Variants in HPSE2 observed in about 807,000 individuals in gnomAD.
HPSE2 encodes heparanase 2 (inactive).
Under a neutral mutation model 60.5 loss-of-function variants are expected in HPSE2, and 38 were observed. That is an observed-to-expected ratio of 0.63 (90% CI 0.48 to 0.82). The LOEUF is 0.82. Among genes scored for constraint, HPSE2 ranks in the 40% least tolerant of loss-of-function variants. The pLI, the probability that HPSE2 is intolerant of heterozygous loss-of-function variation, is 0.00. For missense variants in HPSE2, 713 were observed against 740.4 expected (o/e 0.96, Z 0.43); for synonymous variants, 295 against 293.2 (o/e 1.01, Z -0.06).
chr10:98,972,937 A>C (rs1347047788), intron 3 of HPSE2, among the ~76,000 whole-genome samples: 2 of 152,144 alleles, frequency 1.3e-5, no homozygotes, highest in Non-Finnish European at 2.9e-5. Flanking sequence ...TAGAAGCCAA[A>C]AACACTTTGG....
chr10:98,489,517 G>A (rs1941563268), intron 10 of HPSE2, among the ~76,000 whole-genome samples: 1 of 152,158 alleles, frequency 6.6e-6, no homozygotes, highest in South Asian at 2.1e-4. Context: ...CAAAACACTG[G>A]AAATGGCTCT....
Position 98,656,855 on chromosome 10 carries a change from G to A in HPSE2, c.1005-14915C>T, listed in dbSNP as rs558864335. Among the ~76,000 whole-genome samples the A allele has an allele frequency of 1.8e-4, 27 of 149,922 alleles. 1 individual carries two copies. The highest frequency in any genetic ancestry group is 7.3e-4 in the Admixed American group (11 of 15,010). Reference sequence around the variant, plus strand: ...TGGCTCACTGCAACCTCCGTCTCCCGGATTCAAGTGATTCTCCTGCCTCAG... The same window carrying A: ...TGGCTCACTGCAACCTCCGTCTCCCAGATTCAAGTGATTCTCCTGCCTCAG... On this transcript the variant is annotated intron_variant, in intron 6 of 11. Transcript: ENST00000370552.
chr10:99,045,018 ATAGACATC>A (rs1422942309), intron 3 of HPSE2, among the ~76,000 whole-genome samples: 1 of 152,166 alleles, frequency 6.6e-6, no homozygotes, highest in Non-Finnish European at 1.5e-5. Flanking sequence ...ATTAGACCTA[ATAGACATC>A]TACAGAACAC....
At chr10:98,683,089 C>T (rs1270388200) in intron 6 of HPSE2, among the ~76,000 whole-genome samples, 1 of 152,096 alleles carries the variant, frequency 6.6e-6, no homozygotes, top group Non-Finnish European at 1.5e-5. Flanking sequence ...AACTAAATAT[C>T]CCAAGAGAAA....
chr10:98,514,447 CA>C (rs569071754), intron 9 of HPSE2, among the ~76,000 whole-genome samples: 82 of 151,888 alleles, frequency 5.4e-4, no homozygotes, highest in African/African-American at 1.9e-3. Context: ...TATTTTACCA[CA>C]ATAAAAAAAG....
chr10:98,614,456 C>T (rs7342098), intron 9 of HPSE2, among the ~76,000 whole-genome samples: 1,525 of 152,102 alleles, frequency 0.01, 32 homozygotes, highest in African/African-American at 0.034. Context: ...TCACACACAG[C>T]TAATTTTTTG....
intron 3 of HPSE2, among the ~76,000 whole-genome samples, chr10:99,113,878 C>T (rs1844571062): frequency 6.6e-6 from 1 of 151,766 alleles, no homozygotes; most frequent in Admixed American, 6.6e-5. Context: ...ACTATTTTTA[C>T]CTCATTACAT....
At chr10:99,179,483 C>G (rs1847669778) in intron 2 of HPSE2, among the ~76,000 whole-genome samples, 2 of 151,936 alleles carry the variant, frequency 1.3e-5, no homozygotes, top group African/African-American at 4.8e-5. Flanking sequence ...AAACAGAGAG[C>G]CAAATCATGA....
chr10:99,220,014 G>A (rs540361159), intron 2 of HPSE2, among the ~76,000 whole-genome samples: 1 of 152,196 alleles, frequency 6.6e-6, no homozygotes, highest in South Asian at 2.1e-4. Flanking sequence ...TACTATTTGA[G>A]CCAAAAATCA....
chr10:99,136,282 C>A (rs1845648216), intron 3 of HPSE2, among the ~76,000 whole-genome samples: 1 of 152,042 alleles, frequency 6.6e-6, no homozygotes, highest in South Asian at 2.1e-4. Flanking sequence ...GAGGACCAGA[C>A]AGATTCACAG....
At chr10:98,539,183 T>C (rs531537797) in intron 9 of HPSE2, among the ~76,000 whole-genome samples, 1 of 152,300 alleles carries the variant, frequency 6.6e-6, no homozygotes, top group Non-Finnish European at 1.5e-5. Context: ...CCCCACAATA[T>C]TTAACAGTCT....
At chr10:98,789,722 G>T (rs1213371608) in intron 3 of HPSE2, among the ~76,000 whole-genome samples, 1 of 152,104 alleles carries the variant, frequency 6.6e-6, no homozygotes, top group African/African-American at 2.4e-5. Context: ...TAGCTGGATG[G>T]CAAGTACTTT....
upstream of HPSE2, among the ~76,000 whole-genome samples, chr10:99,236,532 G>A (rs954697283): frequency 6.6e-6 from 1 of 152,112 alleles, no homozygotes; most frequent in African/African-American, 2.4e-5. Context: ...GGTGATTCCT[G>A]TCAAAGCATA....
chr10:99,041,018 C>T lies in HPSE2; in HGVS notation c.610+103220G>A, dbSNP rs563908736. 6.0e-5 allele frequency among the ~76,000 whole-genome samples: 9 copies of T among 150,900 alleles called. No individual in the cohort carries two copies. The South Asian group carries it at 1.3e-3, about 21-fold the overall frequency. On this transcript the variant is annotated intron_variant, in intron 3 of 11. Transcript: ENST00000370552. Reference sequence around the variant, plus strand: ...AGGAGAATGGCATGAACCTGGGAGGCGGAGCTTGTAGTGAGTAGAGATCGC... The same window carrying T: ...AGGAGAATGGCATGAACCTGGGAGGTGGAGCTTGTAGTGAGTAGAGATCGC...
At chr10:99,107,041 T>C (rs1017113823) in intron 3 of HPSE2, among the ~76,000 whole-genome samples, 1 of 152,134 alleles carries the variant, frequency 6.6e-6, no homozygotes, top group African/African-American at 2.4e-5. Flanking sequence ...TGGTTAATTT[T>C]TGTATTTTTA....
intron 6 of HPSE2, among the ~76,000 whole-genome samples, chr10:98,677,513 T>G (rs1045626194): frequency 6.6e-6 from 1 of 152,224 alleles, no homozygotes; most frequent in Non-Finnish European, 1.5e-5. Context: ...GTATTGTATG[T>G]ACTGAGCCAA....
intron 6 of HPSE2, among the ~76,000 whole-genome samples, chr10:98,680,030 T>C (rs1352695212): frequency 6.6e-6 from 1 of 152,162 alleles, no homozygotes; most frequent in Non-Finnish European, 1.5e-5. Flanking sequence ...GATTTTTAAA[T>C]TTAGAAAAGC....
chr10:98,871,548 AT>A (rs1384411794), intron 3 of HPSE2, among the ~76,000 whole-genome samples: 1 of 152,054 alleles, frequency 6.6e-6, no homozygotes, highest in Non-Finnish European at 1.5e-5. Context: ...AATATACAAA[AT>A]TAAGCAATTA....
At chr10:99,078,844 A>C (rs886330063) in intron 3 of HPSE2, among the ~76,000 whole-genome samples, 7 of 152,164 alleles carry the variant, frequency 4.6e-5, no homozygotes, top group African/African-American at 1.7e-4. Context: ...CAATCAGCCT[A>C]GCTAGAAATT....
Sources: allele counts gnomAD v4.1 joint callset (sites outside exome capture counted in the v4.1 genomes callset), GRCh38; gene constraint gnomAD v4.1.1; transcripts MANE v1.5; gene names NCBI Gene and HGNC (gene_info 2026-07-23, HGNC 2026-07-21).